CNTNAP5: variants seen among roughly 807,000 people sequenced by gnomAD.
CNTNAP5 encodes the protein contactin-associated protein-like 5.
A neutral mutation model predicts 150.2 loss-of-function variants in CNTNAP5; 72 were observed. The observed-to-expected ratio is 0.48, with a 90% CI of 0.40 to 0.58. The LOEUF (loss-of-function observed/expected upper bound fraction) is 0.58, where lower values mean the gene tolerates loss of function less well. CNTNAP5 is among the 20% of genes least tolerant of loss of function. The probability of loss-of-function intolerance (pLI) is 0.00; values close to 1 mark genes in which losing one functional copy is unlikely to be tolerated. For missense variants in CNTNAP5, 1,636 were observed against 1,626.2 expected, an observed-to-expected ratio of 1.01 and a Z score of -0.10; for synonymous variants, 672 against 619.8, an observed-to-expected ratio of 1.08 and a Z score of -1.25.
intron 3 of CNTNAP5, among the ~76,000 whole-genome samples, chr2:124,352,285 A>G (rs1689889963): frequency 6.6e-6 from 1 of 152,194 alleles, no homozygotes. Flanking sequence ...GAAAATTAAT[A>G]TGAAGTGTTT....
chr2:124,607,895 T>A (rs1341652175), intron 11 of CNTNAP5, among the ~76,000 whole-genome samples: 1 of 152,168 alleles, frequency 6.6e-6, no homozygotes, highest in Non-Finnish European at 1.5e-5. Context: ...AAAAATAATC[T>A]GTACATTATG....
chr2:124,064,676 T>C (rs1262406908), intron 1 of CNTNAP5, among the ~76,000 whole-genome samples: 5 of 152,190 alleles, frequency 3.3e-5, no homozygotes, highest in Non-Finnish European at 7.3e-5. Context: ...TATGACTGTA[T>C]CAATAATGTC....
intron 1 of CNTNAP5, among the ~76,000 whole-genome samples, chr2:124,178,685 A>C (rs566700171): frequency 6.6e-6 from 1 of 152,220 alleles, no homozygotes; most frequent in Admixed American, 6.5e-5. Context: ...CTTGGAACTG[A>C]AGTGTTTTTG....
chr2:124,355,422 A>G (rs1365024), intron 3 of CNTNAP5, among the ~76,000 whole-genome samples: 20,585 of 152,042 alleles, frequency 0.14, 1,528 homozygotes, highest in African/African-American at 0.15. Context: ...TGTGTGAGGG[A>G]TGGTGTTGTG....
intron 19 of CNTNAP5, among the ~76,000 whole-genome samples, chr2:124,804,690 C>A (rs1573628539): frequency 6.6e-6 from 1 of 152,166 alleles, no homozygotes; most frequent in South Asian, 2.1e-4. Flanking sequence ...CAACAGGGAC[C>A]GAGTCAGCCA....
At chr2:124,317,933 A>G (rs761772269) in intron 3 of CNTNAP5, among the ~76,000 whole-genome samples, 1 of 151,892 alleles carries the variant, frequency 6.6e-6, no homozygotes, top group East Asian at 1.9e-4. Flanking sequence ...GACAGCACAC[A>G]CTCCTTTTTT....
chr2:124,893,601 A>G (rs1429141379), intron 21 of CNTNAP5, among the ~76,000 whole-genome samples: 4 of 152,158 alleles, frequency 2.6e-5, no homozygotes, highest in Non-Finnish European at 4.4e-5. Flanking sequence ...TACAAAGGGC[A>G]TCCTGAGTGG....
intron 1 of CNTNAP5, among the ~76,000 whole-genome samples, chr2:124,041,767 T>G (rs1681378327): frequency 6.6e-6 from 1 of 152,172 alleles, no homozygotes; most frequent in African/African-American, 2.4e-5. Context: ...CCACAACAGA[T>G]AATTATGTAG....
intron 3 of CNTNAP5, among the ~76,000 whole-genome samples, chr2:124,244,686 C>T (rs1270094425): frequency 1.3e-5 from 2 of 152,048 alleles, no homozygotes; most frequent in East Asian, 1.9e-4. Context: ...AATAGAGTGG[C>T]GTTAGGCAGG....
At chr2:124,776,366 T>C (rs1394416739) in intron 17 of CNTNAP5, among the ~76,000 whole-genome samples, 2 of 152,032 alleles carry the variant, frequency 1.3e-5, no homozygotes, top group East Asian at 3.9e-4. Context: ...CTGGGGAAAA[T>C]ACTACACTGA....
chr2:124,130,822 G>T (rs372623186), intron 1 of CNTNAP5, among the ~76,000 whole-genome samples: 1 of 151,994 alleles, frequency 6.6e-6, no homozygotes, highest in East Asian at 1.9e-4. Context: ...TTTAGTGCTC[G>T]GTAATGTACT....
chr2:124,664,071 G>A (rs936453919), intron 13 of CNTNAP5, among the ~76,000 whole-genome samples: 4 of 152,106 alleles, frequency 2.6e-5, no homozygotes, highest in African/African-American at 9.7e-5. Context: ...CACAAAGTAG[G>A]TCTCCCTCCC....
At chr2:124,850,270 T>C (rs566381661) in intron 19 of CNTNAP5, among the ~76,000 whole-genome samples, 1 of 152,238 alleles carries the variant, frequency 6.6e-6, no homozygotes, top group South Asian at 2.1e-4. Flanking sequence ...TCTTAACAGA[T>C]GTAATAAATT....
chr2:124,441,430 A>G (rs769314820), intron 5 of CNTNAP5, among the ~76,000 whole-genome samples: 6 of 152,054 alleles, frequency 3.9e-5, no homozygotes, highest in Non-Finnish European at 8.8e-5. Flanking sequence ...TTATCCGCAC[A>G]TAGTGCTTAT....
intron 1 of CNTNAP5, among the ~76,000 whole-genome samples, chr2:124,026,184 A>T (rs1241930145): frequency 6.6e-6 from 1 of 152,104 alleles, no homozygotes; most frequent in African/African-American, 2.4e-5. Flanking sequence ...GCACCCCACG[A>T]TACGTGGCTC....
intron 19 of CNTNAP5, among the ~76,000 whole-genome samples, chr2:124,819,483 A>C (rs902882931): frequency 2.6e-5 from 4 of 152,064 alleles, no homozygotes; most frequent in Non-Finnish European, 5.9e-5. Flanking sequence ...TTTCATCAAA[A>C]TTTTCTTATA....
At chr2:124,633,712 G>T (rs1467182180) in intron 12 of CNTNAP5, among the ~76,000 whole-genome samples, 2 of 152,154 alleles carry the variant, frequency 1.3e-5, no homozygotes, top group African/African-American at 4.8e-5. Context: ...TCTTCTTGAG[G>T]GCTCTATCCC....
chr2:124,240,371 C>T lies in CNTNAP5; in HGVS notation c.188-1829C>T, dbSNP rs188442150. Among the ~76,000 whole-genome samples, 386 of 152,270 alleles carry T rather than the reference C, an allele frequency of 2.5e-3. 1 individual carries two copies. The highest frequency in any genetic ancestry group is 8.7e-3 in the African/African-American group (362 of 41,558). ...AAAAGGAAAGCAAGTGGAGAAGGAG[C>T]ACGCTAGCCTGGAAGTGGCACAAAT... On this transcript the variant is annotated intron_variant, in intron 2 of 23. Transcript: ENST00000682447.
intron 3 of CNTNAP5, among the ~76,000 whole-genome samples, chr2:124,332,798 AC>A (rs913817491): frequency 1.3e-5 from 2 of 152,132 alleles, no homozygotes; most frequent in African/African-American, 4.8e-5. Flanking sequence ...ATGATTTTAA[AC>A]ATCTAATAGT....
Sources: allele counts gnomAD v4.1 joint callset (sites outside exome capture counted in the v4.1 genomes callset), GRCh38; gene constraint gnomAD v4.1.1; transcripts MANE v1.5; gene names NCBI Gene and HGNC (gene_info 2026-07-23, HGNC 2026-07-21).